Variants in CCDC30 observed in about 807,000 individuals in gnomAD.
CCDC30 encodes the protein coiled-coil domain-containing protein 30.
In CCDC30, 70 loss-of-function variants were observed where a neutral mutation model predicts 100.2. The ratio of observed to expected loss-of-function variants is 0.70; its 90% CI spans 0.58 to 0.85. The LOEUF is 0.85. Among genes scored for constraint, CCDC30 ranks in the 40% least tolerant of loss-of-function variants. The probability of loss-of-function intolerance (pLI) is 0.00; values close to 1 mark genes in which losing one functional copy is unlikely to be tolerated. For synonymous variants in CCDC30, 233 were observed against 269.5 expected, an observed-to-expected ratio of 0.86 and a Z score of 1.33; for missense variants, 652 against 771.2, an observed-to-expected ratio of 0.85 and a Z score of 1.83.
chr1:42,462,727 G>A (rs1643444231), upstream of CCDC30, among the ~76,000 whole-genome samples: 1 of 151,934 alleles, frequency 6.6e-6, no homozygotes, highest in Non-Finnish European at 1.5e-5. Context: ...TACATAGGTG[G>A]GGAAGATAAC....
At chr1:42,610,913 T>C in intron 10 of CCDC30, 65 bp from the exon 15 acceptor site, 1 of 774,942 alleles carries the variant, frequency 1.3e-6, no homozygotes, top group Non-Finnish European at 2.1e-6. Context: ...CAGAAAGACT[T>C]TGCATTTCTT....
chr1:42,587,680 A>G (rs1254163670), intron 9 of CCDC30, among the ~76,000 whole-genome samples: 2 of 152,190 alleles, frequency 1.3e-5, no homozygotes, highest in Non-Finnish European at 2.9e-5. Context: ...AGTTAGAGAA[A>G]ACAAACTTAA....
intron 11 of CCDC30, among the ~76,000 whole-genome samples, chr1:42,631,295 C>T (rs1488611880): frequency 6.6e-6 from 1 of 152,126 alleles, no homozygotes; most frequent in Non-Finnish European, 1.5e-5. Context: ...TGTTCTCTTC[C>T]CTCTTGTTCT....
chr1:42,500,523 C>A (rs1032901897), intron 6 of CCDC30, among the ~76,000 whole-genome samples: 1 of 152,030 alleles, frequency 6.6e-6, no homozygotes, highest in Non-Finnish European at 1.5e-5. Context: ...ACACCATTCT[C>A]TTGCCTCAGC....
chr1:42,465,951 G>A (rs1402104471), intron 1 of CCDC30, among the ~76,000 whole-genome samples: 1 of 152,100 alleles, frequency 6.6e-6, no homozygotes, highest in Non-Finnish European at 1.5e-5. Flanking sequence ...ACATAGTTAT[G>A]TACATTTTGC....
rs71798684 is a variant in CCDC30 at position 42,558,042 on chromosome 1, G to GAA, written c.457-8247_457-8246dup. On this transcript the variant is annotated intron_variant, in intron 6 of 16. Transcript: ENST00000668663. ...ACTTTCTACCAGGATTATATGGTGGGAAAAAAAATAGAGACTCTTGTTGGC... is the reference window on the plus strand; with the variant it reads ...ACTTTCTACCAGGATTATATGGTGGGAAAAAAAAAATAGAGACTCTTGTTGGC... The GAA allele has an allele frequency of 1.2e-3, 244 of 200,864 alleles. 2 individuals carry two copies. The highest frequency in any genetic ancestry group is 0.011 in the South Asian group (168 of 15,568). The allele number at this position is 200,864 out of a possible 1,614,324, so 12.4% of individuals were successfully genotyped here.
intron 6 of CCDC30, among the ~76,000 whole-genome samples, chr1:42,559,065 A>G (rs1645431082): frequency 6.6e-6 from 1 of 152,222 alleles, no homozygotes; most frequent in African/African-American, 2.4e-5. Context: ...TGAAGGAGAA[A>G]TAAAATCCTT....
At chr1:42,578,262 A>G (rs556304231) in intron 8 of CCDC30, among the ~76,000 whole-genome samples, 116 of 152,338 alleles carry the variant, frequency 7.6e-4, no homozygotes, top group African/African-American at 2.8e-3. Flanking sequence ...TAAAGAAACC[A>G]GAACAAAAGA....
At chr1:42,577,842 G>A (rs1448871282) in intron 8 of CCDC30, among the ~76,000 whole-genome samples, 3 of 151,932 alleles carry the variant, frequency 2.0e-5, no homozygotes, top group African/African-American at 7.2e-5. Flanking sequence ...GGGTTTCACC[G>A]TGTTAGCCAG....
chr1:42,562,587 A>G (rs1409067174), intron 6 of CCDC30, among the ~76,000 whole-genome samples: 2 of 152,206 alleles, frequency 1.3e-5, no homozygotes, highest in African/African-American at 4.8e-5. Context: ...AATTGCAACA[A>G]AAGCCAAAAT....
exon 3 of CCDC30, chr1:42,482,739 A>C (rs1022661754): frequency 2.4e-6 from 3 of 1,234,162 alleles, no homozygotes; most frequent in Non-Finnish European, 3.0e-6. Flanking sequence ...GTAGCAAAGA[A>C]GTTAGGGGTG....
At chr1:42,458,488 G>C (rs942642199), upstream of CCDC30, among the ~76,000 whole-genome samples, 2 of 152,208 alleles carry the variant, frequency 1.3e-5, no homozygotes, top group East Asian at 3.9e-4. Flanking sequence ...GTAGGACTTA[G>C]AGATGAAAGC....
rs370555278 is a variant in CCDC30 at position 42,510,283 on chromosome 1, G to A, written c.456+11367G>A. The A allele has an allele frequency of 1.5e-4, 39 of 261,780 alleles. No individual in the cohort carries two copies. In the South Asian group the frequency reaches 1.8e-3, roughly 12 times the overall value. The allele number at this position is 261,780 out of a possible 1,614,324, so 16.2% of individuals were successfully genotyped here. On this transcript the variant is annotated intron_variant, in intron 6 of 16. Transcript: ENST00000668663. ...ATCTCCAAATTTCTCTGCTGTCTGC[G>A]GAGCTGCCTGGTTTTCAACCTTGGT...
chr1:42,635,763 G>A (rs923385560), intron 11 of CCDC30, among the ~76,000 whole-genome samples: 7 of 148,698 alleles, frequency 4.7e-5, no homozygotes, highest in Non-Finnish European at 8.9e-5. Flanking sequence ...AGCCAAGATC[G>A]CACCACTGCA....
At chr1:42,464,111 T>A (rs1643492904) in intron 1 of CCDC30, 2 of 152,254 alleles carry the variant, frequency 1.3e-5, no homozygotes, top group African/African-American at 4.8e-5. Context: ...ACCTAAGTAT[T>A]TCGCATTCTC....
At chr1:42,613,238 GTGCTT>G (rs1026356624) in intron 11 of CCDC30, among the ~76,000 whole-genome samples, 1 of 113,038 alleles carries the variant, frequency 8.8e-6, no homozygotes, top group African/African-American at 3.5e-5. Context: ...GATTATTCAC[GTGCTT>G]TATTTTATTT....
intron 10 of CCDC30, among the ~76,000 whole-genome samples, chr1:42,604,254 T>A (rs1646462072): frequency 6.6e-6 from 1 of 152,190 alleles, no homozygotes; most frequent in East Asian, 1.9e-4. Flanking sequence ...AATGGTTTGT[T>A]AATTTTAGAA....
chr1:42,483,745 T>C (rs771214583), intron 3 of CCDC30, among the ~76,000 whole-genome samples: 3 of 152,174 alleles, frequency 2.0e-5, no homozygotes, highest in Admixed American at 2.0e-4. Flanking sequence ...ATATTGTGGA[T>C]ATGAGCCTTT....
At chr1:42,628,315 T>C (rs1334396229) in intron 11 of CCDC30, among the ~76,000 whole-genome samples, 3 of 152,240 alleles carry the variant, frequency 2.0e-5, no homozygotes, top group Non-Finnish European at 4.4e-5. Context: ...ACTAGCTTGC[T>C]TTTGATTTTA....
Sources: allele counts gnomAD v4.1 joint callset (sites outside exome capture counted in the v4.1 genomes callset), GRCh38; gene constraint gnomAD v4.1.1; transcripts MANE v1.5; gene names NCBI Gene and HGNC (gene_info 2026-07-23, HGNC 2026-07-21).